Variants in ZRSR2 observed in about 807,000 individuals in gnomAD.
The protein encoded by ZRSR2 is U2 small nuclear ribonucleoprotein auxiliary factor 35 kDa subunit-related protein 2.
Under a neutral mutation model 39.4 loss-of-function variants are expected in ZRSR2, and 3 were observed. The observed-to-expected ratio is 0.08, with a 90% CI of 0.03 to 0.20. The LOEUF is 0.20. Ranked by LOEUF, ZRSR2 falls within the 10% of genes least tolerant of loss-of-function variation. The pLI is 1.00. For missense variants in ZRSR2, 256 were observed against 391.5 expected (o/e 0.65, Z 2.92); for synonymous variants, 137 against 136.0 (o/e 1.01, Z -0.05).
Position 15,820,258 on chromosome X carries a change from A to T in ZRSR2, c.879A>T (p.Ala293=). Residue 293 remains alanine (A), a synonymous_variant, in exon 10 of 11, where the codon GCA becomes GCT. Transcript: ENST00000307771. ...CTCTGTTTAACGGACGATGGTATGCAGGACGACAGCTGCAGTGTGAATTCT... is the reference window on the plus strand; with the variant it reads ...CTCTGTTTAACGGACGATGGTATGCTGGACGACAGCTGCAGTGTGAATTCT... ...ALSLFNGRWY[A]GRQLQCEFCP... 1 of 1,212,130 alleles carries T rather than the reference A, an allele frequency of 8.2e-7. No homozygotes were observed. The highest frequency in any genetic ancestry group is 1.1e-6 in the Non-Finnish European group (1 of 895,497).
At chrX:15,820,427 C>A in intron 10 of ZRSR2, 111 bp downstream of exon 10, 1 of 682,406 alleles carries the variant, frequency 1.5e-6, no homozygotes, top group Non-Finnish European at 2.3e-6. Context: ...CTTTTTGCCT[C>A]ACACAGTAGA....
chrX:15,820,417 C>A, intron 10 of ZRSR2, 101 bp downstream of exon 10: 1 of 753,535 alleles, frequency 1.3e-6, no homozygotes, highest in Non-Finnish European at 2.0e-6. Flanking sequence ...TGAGGCATAG[C>A]TTTTTGCCTC....
At chrX:15,806,437 A>AT (rs1156287397) in intron 5 of ZRSR2, among the ~76,000 whole-genome samples, 2 of 110,711 alleles carry the variant, frequency 1.8e-5, no homozygotes, top group African/African-American at 6.6e-5. Context: ...TAAAAAAAAA[A>AT]TTTTTTTGAG....
chrX:15,816,240 T>G (rs1210266183), intron 8 of ZRSR2, among the ~76,000 whole-genome samples: 1 of 111,793 alleles, frequency 8.9e-6, no homozygotes, highest in African/African-American at 3.3e-5. Context: ...AAGCTGCATG[T>G]GACAAACGGT....
chrX:15,804,339 AC>A, intron 5 of ZRSR2, 142 bp downstream of exon 5: 1 of 945,335 alleles, frequency 1.1e-6, no homozygotes, highest in Non-Finnish European at 1.4e-6. Context: ...TAGACATAAC[AC>A]CAGAGTTCCC....
chrX:15,800,656 A>G (rs1011892088), intron 3 of ZRSR2, among the ~76,000 whole-genome samples: 1 of 112,354 alleles, frequency 8.9e-6, no homozygotes, highest in African/African-American at 3.2e-5. Context: ...ATATTTATAC[A>G]TATTTTTCTA....
chrX:15,795,438 G>A (rs771864448), intron 2 of ZRSR2, among the ~76,000 whole-genome samples: 1 of 111,420 alleles, frequency 9.0e-6, no homozygotes, highest in African/African-American at 3.3e-5. Flanking sequence ...GACACCTTCA[G>A]TGTTGAACTC....
intron 3 of ZRSR2, chrX:15,801,433 A>G (rs896306943): frequency 1.7e-5 from 5 of 286,909 alleles, no homozygotes; most frequent in South Asian, 3.3e-5. Context: ...GGGTTTCACC[A>G]TGTTGGCCAG....
chrX:15,817,603 AT>A (rs1933004436), intron 8 of ZRSR2, among the ~76,000 whole-genome samples: 2 of 111,894 alleles, frequency 1.8e-5, no homozygotes, highest in African/African-American at 6.5e-5. Context: ...TATAAATTCT[AT>A]TAATACCAAG....
chrX:15,794,334 C>T (rs933131320), intron 2 of ZRSR2, among the ~76,000 whole-genome samples: 5 of 110,550 alleles, frequency 4.5e-5, no homozygotes, highest in African/African-American at 9.9e-5. Flanking sequence ...GACCGCCCCC[C>T]GCCCCTCCCC....
At chrX:15,802,337 C>T (rs980575112) in intron 3 of ZRSR2, among the ~76,000 whole-genome samples, 1 of 112,483 alleles carries the variant, frequency 8.9e-6, no homozygotes, top group Non-Finnish European at 1.9e-5. Flanking sequence ...CTTTGGCAAT[C>T]TAACCCCCTC....
intron 2 of ZRSR2, among the ~76,000 whole-genome samples, chrX:15,795,866 G>C (rs921136335): frequency 9.0e-6 from 1 of 111,702 alleles, no homozygotes; most frequent in Non-Finnish European, 1.9e-5. Context: ...CTCACGCCTG[G>C]AGTCCTAGCA....
intron 7 of ZRSR2, among the ~76,000 whole-genome samples, 200 bp downstream of exon 7, chrX:15,809,518 G>A (rs1932848718): frequency 8.9e-6 from 1 of 112,443 alleles, no homozygotes; most frequent in African/African-American, 3.2e-5. Flanking sequence ...CTTGTTCCCT[G>A]GGTGGGCTTA....
chrX:15,800,163 C>T (rs1216048384), intron 3 of ZRSR2, among the ~76,000 whole-genome samples: 2 of 101,954 alleles, frequency 2.0e-5, no homozygotes, highest in East Asian at 6.0e-4. Flanking sequence ...TCTGTTTTTG[C>T]TAATTTATAA....
chrX:15,804,027 T>C, intron 4 of ZRSR2, 84 bp from the exon 5 acceptor site: 1 of 1,071,130 alleles, frequency 9.3e-7, no homozygotes, highest in Non-Finnish European at 1.2e-6. Flanking sequence ...TGCCAGTGTT[T>C]TAAGTTTTTC....
chrX:15,808,431 T>C (rs773118111), intron 6 of ZRSR2, among the ~76,000 whole-genome samples, 160 bp downstream of exon 6: 1 of 111,496 alleles, frequency 9.0e-6, no homozygotes, highest in South Asian at 3.8e-4. Flanking sequence ...CAACAAACTT[T>C]ATTGATGAAC....
intron 10 of ZRSR2, among the ~76,000 whole-genome samples, chrX:15,821,196 T>A (rs905068858): frequency 1.6e-4 from 18 of 111,057 alleles, no homozygotes; most frequent in African/African-American, 5.6e-4. Flanking sequence ...CTTTAAAGGC[T>A]CGGGGGATGG....
intron 3 of ZRSR2, among the ~76,000 whole-genome samples, chrX:15,802,264 TC>T (rs1469807103): frequency 2.7e-5 from 3 of 112,425 alleles, no homozygotes; most frequent in Non-Finnish European, 5.6e-5. Context: ...ATATTTAATT[TC>T]CCTTTTATAA....
chrX:15,792,734 G>T (rs1041249242), intron 2 of ZRSR2, among the ~76,000 whole-genome samples: 1 of 112,530 alleles, frequency 8.9e-6, no homozygotes, highest in African/African-American at 3.2e-5. Flanking sequence ...TTAGGACTTA[G>T]TTATAAAATT....
Sources: gnomAD v4.1 joint callset for allele counts (sites outside exome capture counted in the v4.1 genomes callset) on GRCh38, gnomAD v4.1.1 for gene constraint, MANE v1.5 for transcripts, NCBI Gene and HGNC (gene_info 2026-07-23, HGNC 2026-07-21) for gene names.